Variants in PIGL observed in about 807,000 individuals in gnomAD.
The protein encoded by PIGL is N-acetylglucosaminyl-phosphatidylinositol de-N-acetylase.
A neutral mutation model predicts 31.1 loss-of-function variants in PIGL; 22 were observed. The observed-to-expected ratio is 0.71, with a 90% CI of 0.51 to 1.01. The LOEUF (loss-of-function observed/expected upper bound fraction) is 1.01, where lower values mean the gene tolerates loss of function less well. Among genes scored for constraint, PIGL ranks in the 50% least tolerant of loss-of-function variants. PIGL has a pLI of 0.00. For synonymous variants in PIGL, 131 were observed against 117.4 expected (o/e 1.12, Z -0.75); for missense variants, 302 against 315.9 (o/e 0.96, Z 0.33).
intron 2 of PIGL, among the ~76,000 whole-genome samples, chr17:16,253,965 G>T (rs547217668): frequency 1.3e-5 from 2 of 151,476 alleles, no homozygotes; most frequent in African/African-American, 4.8e-5. Context: ...AAAATAGGAC[G>T]TCCCAGTACC....
intron 2 of PIGL, among the ~76,000 whole-genome samples, chr17:16,237,351 G>A (rs528809552): frequency 9.9e-5 from 15 of 151,022 alleles, no homozygotes; most frequent in South Asian, 2.1e-4. Flanking sequence ...CAAGTGATCC[G>A]CCCTCCTCGG....
intron 1 of PIGL, among the ~76,000 whole-genome samples, chr17:16,223,271 T>G (rs527258786): frequency 6.6e-6 from 1 of 152,100 alleles, no homozygotes; most frequent in African/African-American, 2.4e-5. Flanking sequence ...ACATAATCAG[T>G]TTTGTGTTTT....
intron 2 of PIGL, among the ~76,000 whole-genome samples, chr17:16,244,809 G>C (rs2092737575): frequency 6.6e-6 from 1 of 151,978 alleles, no homozygotes; most frequent in South Asian, 2.1e-4. Context: ...CGAGTAGCTG[G>C]GACTACAGGC....
At chr17:16,239,900 G>A (rs1568788004) in intron 2 of PIGL, among the ~76,000 whole-genome samples, 1 of 152,058 alleles carries the variant, frequency 6.6e-6, no homozygotes, top group Non-Finnish European at 1.5e-5. Context: ...GACTACAGGT[G>A]TGGGCCACCA....
intron 2 of PIGL, among the ~76,000 whole-genome samples, chr17:16,288,039 T>A (rs550980897): frequency 4.6e-5 from 7 of 152,234 alleles, no homozygotes; most frequent in Non-Finnish European, 7.3e-5. Context: ...ATAACAGCAG[T>A]ACATAACAGT....
chr17:16,221,525 C>T (rs867178871), intron 1 of PIGL, among the ~76,000 whole-genome samples: 12 of 151,352 alleles, frequency 7.9e-5, no homozygotes, highest in African/African-American at 2.9e-4. Flanking sequence ...TCTTGGGTCA[C>T]TGCAACCTCT....
At chr17:16,325,300 G>C (rs1191331292) in intron 6 of PIGL, among the ~76,000 whole-genome samples, 1 of 133,420 alleles carries the variant, frequency 7.5e-6, no homozygotes, top group Non-Finnish European at 1.5e-5. Context: ...AGCCAAGATC[G>C]CGCCACTGCA....
intron 2 of PIGL, among the ~76,000 whole-genome samples, chr17:16,281,247 G>A (rs527906401): frequency 1.3e-5 from 2 of 152,296 alleles, no homozygotes; most frequent in East Asian, 1.9e-4. Flanking sequence ...AAACATTGCT[G>A]TAGAACAGTA....
chr17:16,314,163 C>T (rs1427023969), intron 4 of PIGL, among the ~76,000 whole-genome samples: 1 of 152,176 alleles, frequency 6.6e-6, no homozygotes, highest in Non-Finnish European at 1.5e-5. Context: ...AAAGAAAATG[C>T]AAGCTCAAAG....
chr17:16,279,569 T>A (rs1269283783), intron 2 of PIGL: 2 of 152,252 alleles, frequency 1.3e-5, no homozygotes, highest in Non-Finnish European at 2.9e-5. Context: ...TTTATTATAC[T>A]TCCCAAGAGA....
Position 16,325,809 on chromosome 17 carries a change from T to A in PIGL, c.670T>A (p.Ser224Thr). 6.2e-7 allele frequency: 1 copy of A among 1,613,418 alleles called. No homozygotes were observed. Among genetic ancestry groups the A allele is most frequent in the East Asian group, 2.2e-5 (1 of 44,882 alleles). ...KEVAQAKKAMSCHRSQLLWFR... is the reference protein window; with the variant it reads ...KEVAQAKKAMTCHRSQLLWFR... The stretch of plus-strand genomic sequence containing the variant: ...TCTTTGATTCTTCTAGAAAGCCATG[T>A]CCTGCCACCGCAGCCAGCTCCTCTG... The change falls in exon 7 of 7, where the codon TCC becomes ACC. Residue 224 changes from serine to threonine, a missense_variant. By Grantham distance (58) the Ser-to-Thr change is moderately conservative. Coordinates refer to ENST00000225609, the MANE Select transcript of PIGL (RefSeq NM_004278.4).
intron 2 of PIGL, among the ~76,000 whole-genome samples, chr17:16,246,845 C>G (rs1232255562): frequency 6.6e-6 from 1 of 150,660 alleles, no homozygotes; most frequent in East Asian, 2.0e-4. Flanking sequence ...GCCACCGCGC[C>G]CGGCTAATTT....
chr17:16,281,692 A>G (rs780653506), intron 2 of PIGL, among the ~76,000 whole-genome samples: 2 of 152,376 alleles, frequency 1.3e-5, no homozygotes, highest in East Asian at 3.9e-4. Flanking sequence ...TTCCTTGCCT[A>G]CATCTAAGAA....
At chr17:16,310,077 CAAAAAAAA>C (rs58352380) in intron 3 of PIGL, among the ~76,000 whole-genome samples, 1 of 88,782 alleles carries the variant, frequency 1.1e-5, no homozygotes, top group Non-Finnish European at 2.2e-5. Context: ...GACTCCATCT[CAAAAAAAA>C]AAAAAAAAAA....
At chr17:16,299,053 C>A (rs116969587) in intron 2 of PIGL, among the ~76,000 whole-genome samples, 6,685 of 150,482 alleles carry the variant, frequency 0.044, 198 homozygotes, top group African/African-American at 0.089. Flanking sequence ...TAAATAAATA[C>A]AAAAATTAGC....
rs554673393 is a variant in PIGL, at chr17:16,261,600, C to T, written c.335+27530C>T. Among the ~76,000 whole-genome samples, 10 of 152,184 alleles carry T rather than the reference C, an allele frequency of 6.6e-5. No individual in the cohort carries two copies. In the South Asian group the frequency reaches 1.9e-3, roughly 28 times the overall value. ...AAAATAGGGTGGGCACAGTGGTTCA[C>T]ACCTGTAATCCCAATACTCTGGAGG... On this transcript the variant is annotated intron_variant, in intron 2 of 6. Coordinates refer to ENST00000225609, the MANE Select transcript of PIGL (RefSeq NM_004278.4).
chr17:16,269,194 C>G (rs912892332), intron 2 of PIGL, among the ~76,000 whole-genome samples: 1 of 152,252 alleles, frequency 6.6e-6, no homozygotes, highest in African/African-American at 2.4e-5. Context: ...TAAGTAACTT[C>G]TCAAAGGTAC....
chr17:16,324,298 T>G (rs932245458), intron 6 of PIGL: 1 of 152,070 alleles, frequency 6.6e-6, no homozygotes, highest in Admixed American at 6.6e-5. Context: ...GTCTCTCTTT[T>G]GTAATGGTTT....
rs147101668 is a variant in PIGL at position 16,309,719 on chromosome 17, C to T, written c.427-3828C>T. ...GAAGTTGCAGTGAGCCGAGAAATTG[C>T]GCCACTGCGCTCCAGCCTGGTCAAC... is the stretch of plus-strand genomic sequence containing the variant. On this transcript the variant is annotated intron_variant, in intron 3 of 6. Coordinates refer to ENST00000225609, the MANE Select transcript of PIGL (RefSeq NM_004278.4). Among the ~76,000 whole-genome samples, 1,476 of 149,220 alleles carry T rather than the reference C, an allele frequency of 9.9e-3. 22 individuals carry two copies. Among genetic ancestry groups the T allele is most frequent in the African/African-American group, 0.034 (1,384 of 40,464 alleles).
Sources: allele counts gnomAD v4.1 joint callset (sites outside exome capture counted in the v4.1 genomes callset), GRCh38; gene constraint gnomAD v4.1.1; transcripts MANE v1.5; gene names NCBI Gene and HGNC (gene_info 2026-07-23, HGNC 2026-07-21).